Variants in PACSIN2 observed in about 807,000 individuals in gnomAD.
The protein encoded by PACSIN2 is protein kinase C and casein kinase substrate in neurons protein 2.
PACSIN2 carries 25 observed loss-of-function variants against 63.8 expected under a neutral mutation model. The ratio of observed to expected loss-of-function variants is 0.39; its 90% confidence interval spans 0.29 to 0.55. PACSIN2 has a LOEUF of 0.55. Among genes scored for constraint, PACSIN2 ranks in the 20% least tolerant of loss-of-function variants. The pLI is 0.62. For synonymous variants in PACSIN2, 255 were observed against 256.2 expected, an observed-to-expected ratio of 1.00 and a Z score of 0.05; for missense variants, 518 against 646.9, an observed-to-expected ratio of 0.80 and a Z score of 2.16.
rs372078900 is a variant in PACSIN2 at position 42,879,042 on chromosome 22, A to G, written c.1028+6T>C. The G allele has an allele frequency of 1.9e-6, 3 of 1,611,894 alleles. No individual in the cohort carries two copies. In the African/African-American group the frequency reaches 4.0e-5, roughly 22 times the overall value. On this transcript the variant is annotated splice_donor_region_variant and intron_variant, in intron 8 of 10. Coordinates refer to ENST00000263246, the MANE Select transcript of PACSIN2 (RefSeq NM_001184970.3). ...CCTCTTTTGGATGGAGGTGGCGCCC[A>G]CTCACCTGCTGGGCTTACTCGGCAG...
intron 1 of PACSIN2, among the ~76,000 whole-genome samples, chr22:42,988,676 C>T (rs771119914): frequency 4.6e-5 from 7 of 152,222 alleles, no homozygotes; most frequent in Non-Finnish European, 1.0e-4. Flanking sequence ...GTTCAGTTAA[C>T]ATTGCTCTCC....
At chr22:42,962,340 T>C (rs1934165093) in intron 1 of PACSIN2, among the ~76,000 whole-genome samples, 1 of 152,056 alleles carries the variant, frequency 6.6e-6, no homozygotes, top group Non-Finnish European at 1.5e-5. Flanking sequence ...ATCATGAAAA[T>C]AGCTCTTTGG....
chr22:42,941,251 T>C (rs1489393477), intron 1 of PACSIN2, among the ~76,000 whole-genome samples: 1 of 152,238 alleles, frequency 6.6e-6, no homozygotes, highest in African/African-American at 2.4e-5. Flanking sequence ...CTAAGTAATA[T>C]TCCACTGTAT....
At chr22:42,915,163 G>A (rs1464682502) in intron 1 of PACSIN2, among the ~76,000 whole-genome samples, 2 of 152,136 alleles carry the variant, frequency 1.3e-5, no homozygotes, top group East Asian at 1.9e-4. Flanking sequence ...CCACCACACC[G>A]GGCCTAAGAT....
chr22:42,874,852 C>CTTT (rs777530387), intron 10 of PACSIN2, among the ~76,000 whole-genome samples: 2,942 of 128,100 alleles, frequency 0.023, 118 homozygotes, highest in African/African-American at 0.08. Context: ...TGGGCATCCG[C>CTTT]TTTTTTTTTT....
At chr22:42,876,630 G>C (rs577275093) in intron 9 of PACSIN2, among the ~76,000 whole-genome samples, 19 of 152,376 alleles carry the variant, frequency 1.2e-4, no homozygotes, top group African/African-American at 4.3e-4. Flanking sequence ...TCATGGTGCT[G>C]CTAGGGCCTT....
chr22:42,915,008 C>T (rs1331284201), intron 1 of PACSIN2, among the ~76,000 whole-genome samples: 1 of 152,086 alleles, frequency 6.6e-6, no homozygotes, highest in East Asian at 1.9e-4. Context: ...GGACTACAGG[C>T]ACGTGCTGCC....
At chr22:42,945,207 T>C (rs2146813251) in intron 1 of PACSIN2, among the ~76,000 whole-genome samples, 1 of 107,944 alleles carries the variant, frequency 9.3e-6, no homozygotes, top group East Asian at 2.7e-4. Flanking sequence ...GCACCGGCAA[T>C]TACCAAGCTG....
intron 1 of PACSIN2, among the ~76,000 whole-genome samples, chr22:42,994,932 T>A (rs765824442): frequency 7.9e-5 from 12 of 152,106 alleles, no homozygotes; most frequent in Non-Finnish European, 1.5e-4. Flanking sequence ...CAAGCCCCAG[T>A]CTCTGTCTCA....
At chr22:42,919,796 AAG>A (rs535949012) in intron 1 of PACSIN2, among the ~76,000 whole-genome samples, 20,245 of 105,864 alleles carry the variant, frequency 0.19, 2,739 homozygotes, top group Non-Finnish European at 0.27. Flanking sequence ...AAAAAAAAAA[AAG>A]AAAGAAAGAA....
intron 1 of PACSIN2, among the ~76,000 whole-genome samples, chr22:43,002,079 G>A (rs1461087342): frequency 6.6e-6 from 1 of 152,144 alleles, no homozygotes; most frequent in African/African-American, 2.4e-5. Flanking sequence ...AAGCAAACAA[G>A]GCAAGCAAGC....
Position 42,948,189 on chromosome 22 carries a change from C to G in PACSIN2, c.-77-36032G>C, listed in dbSNP as rs371718103. Among the ~76,000 whole-genome samples the G allele has an allele frequency of 7.2e-5, 11 of 152,240 alleles. No homozygotes were observed. In the East Asian group the frequency reaches 9.6e-4, roughly 13 times the overall value. ...GTCCCGCTGGTCCTGGAGGGCAAACCCTGGGAAGCTGCTGTGGCTGTGAAG... is the reference window on the plus strand; with the variant it reads ...GTCCCGCTGGTCCTGGAGGGCAAACGCTGGGAAGCTGCTGTGGCTGTGAAG... On this transcript the variant is annotated intron_variant, in intron 1 of 10. Coordinates refer to ENST00000263246, the MANE Select transcript of PACSIN2 (RefSeq NM_001184970.3).
chr22:42,887,460 G>A (rs911447218), intron 5 of PACSIN2, among the ~76,000 whole-genome samples: 11 of 152,204 alleles, frequency 7.2e-5, no homozygotes, highest in African/African-American at 2.7e-4. Flanking sequence ...AGGCTGGTGG[G>A]TAGTGAAACC....
intron 2 of PACSIN2, among the ~76,000 whole-genome samples, chr22:42,910,662 T>A (rs1022025437): frequency 2.0e-5 from 3 of 152,316 alleles, no homozygotes; most frequent in South Asian, 4.1e-4. Context: ...CTCCTGTCAC[T>A]CTTGCTGTCT....
Position 42,884,472 on chromosome 22 carries a change from G to C in PACSIN2, c.699C>G (p.Cys233Trp), listed in dbSNP as rs762280315. ...MENMEQVFEQ[C>W]QQFEEKRLRF... ...GAAGGCGTTTCTCCTCGAACTGCTG[G>C]CACTGCTCAAACACCTGCTCCATGT... The change falls in exon 6 of 11, where the codon TGC (cysteine) becomes TGG (tryptophan). Residue 233 changes from cysteine to tryptophan, a missense_variant. Cys to Trp is a radical substitution (Grantham distance 215). Coordinates refer to ENST00000263246, the MANE Select transcript of PACSIN2 (RefSeq NM_001184970.3). 3.7e-6 allele frequency: 6 copies of C among 1,614,146 alleles called. No individual in the cohort carries two copies. The East Asian group carries it at 1.3e-4, about 36-fold the overall frequency.
At position 42,945,489 on chromosome 22, in the gene PACSIN2, TCA is replaced by T. The variant is rs1425430877; in HGVS notation, c.-77-33334_-77-33333del. Among the ~76,000 whole-genome samples, 16 of 152,272 alleles carry T rather than the reference TCA, an allele frequency of 1.1e-4. No individual in the cohort carries two copies. The East Asian group carries it at 2.9e-3, about 28-fold the overall frequency. The stretch of plus-strand genomic sequence containing the variant: ...CCTACTGGATGCCTCCACTTGGCCA[TCA>T]CACAGTCCTTGCAAACTATCCCCTT... On this transcript the variant is annotated intron_variant, in intron 1 of 10. Transcript: ENST00000263246.
intron 8 of PACSIN2, among the ~76,000 whole-genome samples, chr22:42,878,130 G>A (rs928004052): frequency 6.6e-6 from 1 of 152,114 alleles, no homozygotes; most frequent in African/African-American, 2.4e-5. Flanking sequence ...GGGGCGGCTG[G>A]ATTGTGCAGC....
At chr22:42,952,694 G>C (rs1325885965) in intron 1 of PACSIN2, among the ~76,000 whole-genome samples, 1 of 143,062 alleles carries the variant, frequency 7.0e-6, no homozygotes, top group East Asian at 2.1e-4. Flanking sequence ...ATGGAGTCTC[G>C]CTCTGTCGCC....
rs1005836481 is a variant in PACSIN2, at chr22:42,991,529, GAGA to G, written c.-78+23489_-78+23491del. 3.9e-5 allele frequency among the ~76,000 whole-genome samples: 6 copies of G among 152,350 alleles called. No homozygotes were observed. The East Asian group carries it at 5.8e-4, about 15-fold the overall frequency. On this transcript the variant is annotated intron_variant, in intron 1 of 10. Transcript: ENST00000263246. Reference sequence around the variant, plus strand: ...CAACCAGAAGCCTCTGTATGGCCCAGAGAAGAAGGAGAGAGACTGTGCGGGAAT... The same window carrying G: ...CAACCAGAAGCCTCTGTATGGCCCAGAGAAGGAGAGAGACTGTGCGGGAAT...
Sources: gnomAD v4.1 joint callset for allele counts (sites outside exome capture counted in the v4.1 genomes callset) on GRCh38, gnomAD v4.1.1 for gene constraint, MANE v1.5 for transcripts, NCBI Gene and HGNC (gene_info 2026-07-23, HGNC 2026-07-21) for gene names.